Variants in DRC10 observed in about 807,000 individuals in gnomAD.
The protein encoded by DRC10 is IQ domain-containing protein D.
At chr12:113,197,523 T>G in the DRC10 span, 4 of 1,502,484 alleles carry the variant, frequency 2.7e-6, no homozygotes, top group Non-Finnish European at 3.6e-6. Context: ...CGAGAGAGAC[T>G]TATTCAGCGA....
the DRC10 span, chr12:113,200,870 G>A: frequency 1.5e-6 from 2 of 1,329,732 alleles, no homozygotes; most frequent in South Asian, 2.9e-5. Flanking sequence ...CGGGCACAGT[G>A]GCTCACGCCT....
the DRC10 span, among the ~76,000 whole-genome samples, chr12:113,213,736 A>G: frequency 1.3e-5 from 2 of 152,348 alleles, no homozygotes; most frequent in South Asian, 4.1e-4. Context: ...AGGCAGGTTG[A>G]TCACTTGAGG....
chr12:113,206,548 T>G, the DRC10 span, among the ~76,000 whole-genome samples: 3 of 152,006 alleles, frequency 2.0e-5, no homozygotes, highest in Non-Finnish European at 4.4e-5. Context: ...CCCCGTCTCT[T>G]TTGTTCATGT....
At chr12:113,208,438 A>AACCAAGTGTGGCCACAAG in the DRC10 span, 8 of 1,037,150 alleles carry the variant, frequency 7.7e-6, no homozygotes, top group Non-Finnish European at 1.0e-5. Flanking sequence ...CCACAAGGGC[A>AACCAAGTGTGGCCACAAG]GGAAGACCAA....
At chr12:113,211,278 G>A in the DRC10 span, among the ~76,000 whole-genome samples, 1 of 152,074 alleles carries the variant, frequency 6.6e-6, no homozygotes, top group East Asian at 1.9e-4. Context: ...GTAGATATAG[G>A]GTCTTGCTAT....
chr12:113,200,764 T>A, the DRC10 span: 1 of 1,535,078 alleles, frequency 6.5e-7, no homozygotes, highest in Non-Finnish European at 8.7e-7. Context: ...CTTGAGCACC[T>A]GGTGCAGGTG....
At chr12:113,215,226 A>C in the DRC10 span, among the ~76,000 whole-genome samples, 1 of 152,236 alleles carries the variant, frequency 6.6e-6, no homozygotes, top group East Asian at 1.9e-4. Context: ...TTTGGAATGC[A>C]ATTCCAGTGT....
the DRC10 span, among the ~76,000 whole-genome samples, chr12:113,217,789 C>T: frequency 6.6e-6 from 1 of 152,244 alleles, no homozygotes; most frequent in Non-Finnish European, 1.5e-5. Flanking sequence ...TCCTTGGCCT[C>T]CCAAAGTGCT....
chr12:113,219,904 G>C, the DRC10 span, among the ~76,000 whole-genome samples: 1 of 152,126 alleles, frequency 6.6e-6, no homozygotes, highest in African/African-American at 2.4e-5. Context: ...CACCACCCGG[G>C]TTCAAGAAAT....
chr12:113,200,331 G>A, the DRC10 span: 1 of 659,660 alleles, frequency 1.5e-6, no homozygotes. Context: ...AGCAATGCTG[G>A]GACAGGATCC....
At chr12:113,201,472 C>T in the DRC10 span, among the ~76,000 whole-genome samples, 12 of 152,178 alleles carry the variant, frequency 7.9e-5, no homozygotes, top group Non-Finnish European at 1.2e-4. Context: ...ACTGGGACAG[C>T]GGCGATGCTC....
the DRC10 span, among the ~76,000 whole-genome samples, chr12:113,204,684 G>T: frequency 6.6e-6 from 1 of 152,212 alleles, no homozygotes; most frequent in Admixed American, 6.5e-5. Context: ...ACTTTGGGAG[G>T]CTGAGGTGGG....
At chr12:113,221,014 G>C in the DRC10 span, 156 of 393,664 alleles carry the variant, frequency 4.0e-4, 1 homozygote, top group South Asian at 2.7e-3. Flanking sequence ...GACCGCTCCA[G>C]GTTTCCCTAG....
At chr12:113,218,040 AT>A in the DRC10 span, among the ~76,000 whole-genome samples, 2 of 152,172 alleles carry the variant, frequency 1.3e-5, no homozygotes, top group Non-Finnish European at 1.5e-5. Flanking sequence ...GAGGCTCGTA[AT>A]ATTGCTAAAT....
At chr12:113,197,325 C>T in the DRC10 span, among the ~76,000 whole-genome samples, 3 of 152,052 alleles carry the variant, frequency 2.0e-5, no homozygotes, top group South Asian at 4.2e-4. Context: ...GCATGAGCCA[C>T]AGCACCTGGC....
chr12:113,208,493 G>A, the DRC10 span: 3 of 384,386 alleles, frequency 7.8e-6, no homozygotes, highest in South Asian at 1.4e-4. Context: ...GGACCAGCCA[G>A]GCATACAGAC....
chr12:113,195,843 G>C, the DRC10 span: 1 of 1,613,466 alleles, frequency 6.2e-7, no homozygotes, highest in Middle Eastern at 1.7e-4. Context: ...CTCCTCCAGC[G>C]AGATCTTCTC....
the DRC10 span, among the ~76,000 whole-genome samples, chr12:113,206,996 G>C: frequency 6.6e-6 from 1 of 152,144 alleles, no homozygotes; most frequent in Non-Finnish European, 1.5e-5. Flanking sequence ...AGAGATGGAG[G>C]CTGCAGTGTG....
the DRC10 span, among the ~76,000 whole-genome samples, chr12:113,196,455 C>CT: frequency 6.6e-6 from 1 of 152,154 alleles, no homozygotes; most frequent in East Asian, 1.9e-4. Flanking sequence ...ACCCGTTTTC[C>CT]TTCCTTCCAC....
Sources: gnomAD v4.1 joint callset for allele counts (sites outside exome capture counted in the v4.1 genomes callset) on GRCh38, gnomAD v4.1.1 for gene constraint, MANE v1.5 for transcripts, NCBI Gene and HGNC (gene_info 2026-07-23, HGNC 2026-07-21) for gene names.